The following HECW2 variants were observed in gnomAD, a reference collection of about 807,000 sequenced individuals.
The protein encoded by HECW2 is E3 ubiquitin-protein ligase HECW2.
Under a neutral mutation model 175.2 loss-of-function variants are expected in HECW2, and 61 were observed. That is an observed-to-expected ratio of 0.35 (90% CI 0.28 to 0.43). HECW2 has a LOEUF of 0.43. Among genes scored for constraint, HECW2 ranks in the 20% least tolerant of loss-of-function variants. The probability of loss-of-function intolerance (pLI) is 1.00; values close to 1 mark genes in which losing one functional copy is unlikely to be tolerated. For synonymous variants in HECW2, 671 were observed against 731.0 expected, an observed-to-expected ratio of 0.92 and a Z score of 1.32; for missense variants, 1,524 against 2,000.5, an observed-to-expected ratio of 0.76 and a Z score of 4.54.
At chr2:196,207,180 T>G (rs1410750935) in intron 28 of HECW2, among the ~76,000 whole-genome samples, 1 of 152,010 alleles carries the variant, frequency 6.6e-6, no homozygotes, top group Non-Finnish European at 1.5e-5. Context: ...ATTTCATGGA[T>G]GAAAGAAAGA....
intron 19 of HECW2, among the ~76,000 whole-genome samples, chr2:196,251,637 T>C (rs2105908837): frequency 6.6e-6 from 1 of 152,300 alleles, no homozygotes; most frequent in South Asian, 2.1e-4. Context: ...CCTTTGAATC[T>C]TCCTTGACTC....
At chr2:196,405,487 T>A (rs1444817292) in intron 2 of HECW2, among the ~76,000 whole-genome samples, 1 of 152,142 alleles carries the variant, frequency 6.6e-6, no homozygotes, top group Non-Finnish European at 1.5e-5. Flanking sequence ...CAATGCCACA[T>A]CTACCACTCA....
intron 2 of HECW2, among the ~76,000 whole-genome samples, chr2:196,410,008 G>A (rs1695066951): frequency 6.6e-6 from 1 of 152,070 alleles, no homozygotes; most frequent in Non-Finnish European, 1.5e-5. Context: ...TTGGTATATG[G>A]GCAATGAATA....
chr2:196,230,069 G>A (rs532066178), intron 21 of HECW2, among the ~76,000 whole-genome samples: 2 of 152,174 alleles, frequency 1.3e-5, no homozygotes, highest in Non-Finnish European at 2.9e-5. Context: ...GAGCCAAAGA[G>A]GCTGTAGGTG....
At chr2:196,236,862 G>C (rs1392664874) in intron 21 of HECW2, among the ~76,000 whole-genome samples, 1 of 152,200 alleles carries the variant, frequency 6.6e-6, no homozygotes, top group African/African-American at 2.4e-5. Flanking sequence ...GACTGCCATA[G>C]TGTTTGTCAG....
At chr2:196,537,440 G>T (rs1406740472) in intron 1 of HECW2, among the ~76,000 whole-genome samples, 1 of 152,088 alleles carries the variant, frequency 6.6e-6, no homozygotes, top group Non-Finnish European at 1.5e-5. Context: ...AGATCAGGAG[G>T]CAGCAAAGCT....
intron 1 of HECW2, among the ~76,000 whole-genome samples, chr2:196,433,916 C>T (rs1049260162): frequency 2.6e-5 from 4 of 152,196 alleles, no homozygotes; most frequent in Admixed American, 2.0e-4. Context: ...TGCTCAGTTT[C>T]CTTAGCATAA....
At chr2:196,395,707 T>TTC (rs1009816269) in intron 2 of HECW2, among the ~76,000 whole-genome samples, 2 of 139,174 alleles carry the variant, frequency 1.4e-5, no homozygotes, top group African/African-American at 6.0e-5. Context: ...GACTATGTTT[T>TTC]TTTTTTTTAA....
At chr2:196,221,133 G>T (rs1005498757) in intron 24 of HECW2, among the ~76,000 whole-genome samples, 192 bp from the exon 25 acceptor site, 2 of 152,158 alleles carry the variant, frequency 1.3e-5, no homozygotes, top group Admixed American at 6.5e-5. Context: ...TTGAGGGGGT[G>T]CTTGAAAGCT....
At chr2:196,280,215 G>T (rs1299795482) in intron 14 of HECW2, among the ~76,000 whole-genome samples, 3 of 152,146 alleles carry the variant, frequency 2.0e-5, no homozygotes, top group South Asian at 2.1e-4. Flanking sequence ...CAAGTATCAA[G>T]GCACATGATG....
At position 196,273,049 on chromosome 2, in the gene HECW2, A is replaced by ATTTTTTTTTTTT. The variant is rs778348590; in HGVS notation, c.3238+960_3238+971dup. On this transcript the variant is annotated intron_variant, in intron 16 of 28. Transcript: ENST00000644978. ...CAAAGATAAATGGAGAGCTGGTCTA[A>ATTTTTTTTTTTT]TTTTTTTTTTTTTTTTTTTTTTTTT... Among the ~76,000 whole-genome samples, 25 of 113,114 alleles carry ATTTTTTTTTTTT rather than the reference A, an allele frequency of 2.2e-4. 1 individual carries two copies. The highest frequency in any genetic ancestry group is 6.2e-4 in the African/African-American group (16 of 26,008). The allele number at this position is 113,114 out of a possible 152,430, so 74.2% of individuals were successfully genotyped here.
At chr2:196,585,101 C>CA (rs1690927309) in intron 1 of HECW2, among the ~76,000 whole-genome samples, 1 of 152,176 alleles carries the variant, frequency 6.6e-6, no homozygotes, top group East Asian at 1.9e-4. Context: ...CCATGATTCA[C>CA]TGTGGCCTAA....
At chr2:196,503,728 T>C (rs750762027) in intron 1 of HECW2, among the ~76,000 whole-genome samples, 2 of 152,188 alleles carry the variant, frequency 1.3e-5, no homozygotes, top group Non-Finnish European at 2.9e-5. Flanking sequence ...AAGCAACTGA[T>C]GTTTATTAAG....
At chr2:196,215,828 T>A in intron 28 of HECW2, 37 bp downstream of exon 28, 1 of 1,388,812 alleles carries the variant, frequency 7.2e-7, no homozygotes, top group South Asian at 1.2e-5. Flanking sequence ...CTCCACCAAA[T>A]GTTGTGACAG....
Position 196,334,435 on chromosome 2 carries a change from G to T in HECW2, c.484C>A (p.Pro162Thr). Residue 162 changes from proline to threonine, a missense_variant, in exon 4 of 29, where the codon CCA (proline) becomes ACA (threonine). Around this residue, in one of 11 missense-constraint regions of HECW2, gnomAD observed 135 missense variants for 214.6 expected, o/e 0.63. Coordinates refer to ENST00000644978, the MANE Select transcript of HECW2 (RefSeq NM_001348768.2). ...ATTPCITVKNPAVMMGAEGME... is the reference protein window; with the variant it reads ...ATTPCITVKNTAVMMGAEGME... ...CGAGGGGCACTCACCATCACAGCTG[G>T]GTTCTTCACGGTGATGCAGGGGGTC... 1.2e-6 allele frequency: 2 copies of T among 1,607,702 alleles called. No homozygotes were observed. The highest frequency in any genetic ancestry group is 1.7e-6 in the Non-Finnish European group (2 of 1,177,240).
chr2:196,370,407 G>A (rs1192677953), intron 2 of HECW2, among the ~76,000 whole-genome samples: 3 of 152,186 alleles, frequency 2.0e-5, no homozygotes, highest in Non-Finnish European at 2.9e-5. Flanking sequence ...GCAAGACAAA[G>A]TCCTCTTTAT....
chr2:196,507,921 AT>A (rs529611081), intron 1 of HECW2, among the ~76,000 whole-genome samples: 1 of 152,156 alleles, frequency 6.6e-6, no homozygotes, highest in Admixed American at 6.5e-5. Flanking sequence ...TGTGCAGCTA[AT>A]TTTTTCTCCT....
intron 1 of HECW2, among the ~76,000 whole-genome samples, chr2:196,492,393 C>T (rs913075639): frequency 1.3e-5 from 2 of 152,168 alleles, no homozygotes; most frequent in Admixed American, 6.5e-5. Context: ...GTAAGTTACT[C>T]CCACAAACCA....
chr2:196,397,060 C>T (rs943298376), intron 2 of HECW2, among the ~76,000 whole-genome samples: 2 of 152,000 alleles, frequency 1.3e-5, no homozygotes, highest in African/African-American at 4.8e-5. Context: ...TGCAGTGAGC[C>T]GAGATGGCGC....
Sources: allele counts gnomAD v4.1 joint callset (sites outside exome capture counted in the v4.1 genomes callset), GRCh38; gene constraint gnomAD v4.1.1; regional missense constraint gnomAD v4.1.1; transcripts MANE v1.5; gene names NCBI Gene and HGNC (gene_info 2026-07-23, HGNC 2026-07-21).